RTL4: variants seen among roughly 807,000 people sequenced by gnomAD.
RTL4 encodes the protein retrotransposon Gag-like protein 4.
In RTL4, 4 loss-of-function variants were observed where a neutral mutation model predicts 5.3. The ratio of observed to expected loss-of-function variants is 0.75; its 90% CI spans 0.37 to 1.72. The LOEUF is 1.72. Among genes scored for constraint, RTL4 ranks in the 40% most tolerant of loss-of-function variants. The probability of loss-of-function intolerance (pLI) is 0.04; values close to 1 mark genes in which losing one functional copy is unlikely to be tolerated. For synonymous variants in RTL4, 98 were observed against 87.3 expected (o/e 1.12, Z -0.68); for missense variants, 260 against 227.1 (o/e 1.14, Z -0.93).
chrX:112,221,047 G>C, the RTL4 span, among the ~76,000 whole-genome samples: 1 of 111,781 alleles, frequency 8.9e-6, no homozygotes, highest in South Asian at 3.8e-4. Flanking sequence ...TTCTCACACT[G>C]ATATAAAGAA....
the RTL4 span, among the ~76,000 whole-genome samples, chrX:112,395,003 T>C: frequency 8.9e-6 from 1 of 112,111 alleles, no homozygotes; most frequent in Non-Finnish European, 1.9e-5. Context: ...ATATTAGAAA[T>C]GTTTTGACTT....
the RTL4 span, among the ~76,000 whole-genome samples, chrX:112,130,561 G>A: frequency 4.5e-5 from 5 of 110,095 alleles, no homozygotes; most frequent in Admixed American, 9.7e-5. Context: ...GTATGACATC[G>A]TTAATAATAC....
chrX:112,281,383 T>C, the RTL4 span, among the ~76,000 whole-genome samples: 2 of 112,192 alleles, frequency 1.8e-5, no homozygotes, highest in South Asian at 7.5e-4. Context: ...AAAAATCCAT[T>C]CATCCATTGA....
chrX:112,420,878 T>C, the RTL4 span, among the ~76,000 whole-genome samples: 7 of 112,186 alleles, frequency 6.2e-5, no homozygotes, highest in East Asian at 2.0e-3. Context: ...TCTTACATTC[T>C]TTGCTTATGC....
chrX:112,212,212 T>C, the RTL4 span, among the ~76,000 whole-genome samples: 4 of 110,656 alleles, frequency 3.6e-5, no homozygotes, highest in Non-Finnish European at 7.6e-5. Flanking sequence ...CCGTGTCTAC[T>C]AAAAATACAA....
the RTL4 span, among the ~76,000 whole-genome samples, chrX:112,203,390 T>A: frequency 9.0e-6 from 1 of 111,731 alleles, no homozygotes; most frequent in Non-Finnish European, 1.9e-5. Context: ...TTTTTAGTTT[T>A]ATATTTAAGT....
At chrX:112,174,501 T>A in the RTL4 span, among the ~76,000 whole-genome samples, 1 of 106,846 alleles carries the variant, frequency 9.4e-6, no homozygotes, top group East Asian at 3.0e-4. Context: ...TTTGGGTTGG[T>A]TCCAAGTCTT....
the RTL4 span, among the ~76,000 whole-genome samples, chrX:112,149,571 G>A: frequency 1.8e-5 from 2 of 111,777 alleles, no homozygotes; most frequent in African/African-American, 6.5e-5. Flanking sequence ...GGGTAGCAAA[G>A]GGGCCAGCAT....
chrX:112,440,048 A>T, the RTL4 span, among the ~76,000 whole-genome samples: 1 of 111,780 alleles, frequency 8.9e-6, no homozygotes, highest in African/African-American at 3.3e-5. Flanking sequence ...AGAAAAAAAG[A>T]TGGAAGAAAG....
the RTL4 span, among the ~76,000 whole-genome samples, chrX:112,436,561 T>C: frequency 8.9e-6 from 1 of 112,086 alleles, no homozygotes; most frequent in African/African-American, 3.2e-5. Context: ...ATATGATTTA[T>C]TCTTTTATAC....
the RTL4 span, among the ~76,000 whole-genome samples, chrX:112,185,376 A>ATATAT: frequency 1.5e-4 from 13 of 85,351 alleles, no homozygotes; most frequent in East Asian, 3.7e-4. Flanking sequence ...CTATTTTATT[A>ATATAT]ATATATATAT....
the RTL4 span, among the ~76,000 whole-genome samples, chrX:112,233,042 G>A: frequency 8.9e-3 from 989 of 111,708 alleles, 7 homozygotes; most frequent in African/African-American, 0.03. Flanking sequence ...AGGCAGTAAA[G>A]TGCAGTAGGA....
the RTL4 span, among the ~76,000 whole-genome samples, chrX:112,238,692 AT>A: frequency 1.8e-5 from 2 of 110,041 alleles, no homozygotes; most frequent in Admixed American, 9.7e-5. Context: ...GTGATTTTTT[AT>A]TTTTTTTTAC....
chrX:112,168,521 A>G, the RTL4 span, among the ~76,000 whole-genome samples: 2 of 111,808 alleles, frequency 1.8e-5, no homozygotes, highest in Admixed American at 9.5e-5. Context: ...AGGATGCAGT[A>G]AAGAAGCAGG....
At chrX:112,168,963 CTTTTT>C in the RTL4 span, among the ~76,000 whole-genome samples, 1 of 58,572 alleles carries the variant, frequency 1.7e-5, no homozygotes, top group African/African-American at 5.8e-5. Context: ...TTCTTTCTTT[CTTTTT>C]CTTTCTTTCT....
chrX:112,312,263 T>G, the RTL4 span, among the ~76,000 whole-genome samples: 1 of 111,103 alleles, frequency 9.0e-6, no homozygotes, highest in Admixed American at 9.8e-5. Flanking sequence ...GGACAATCAT[T>G]TCCATGTACC....
chrX:112,328,394 A>T, the RTL4 span, among the ~76,000 whole-genome samples: 1 of 111,495 alleles, frequency 9.0e-6, no homozygotes, highest in Non-Finnish European at 1.9e-5. Flanking sequence ...ACCAACAAAG[A>T]TCAAAAGAGA....
chrX:112,094,064 AGCTATGAAGAAT>A, the RTL4 span, among the ~76,000 whole-genome samples: 37 of 111,974 alleles, frequency 3.3e-4, no homozygotes, highest in Non-Finnish European at 5.7e-4. Context: ...GGATCACTCT[AGCTATGAAGAAT>A]GGATTGGTGG....
chrX:112,159,074 G>A, the RTL4 span, among the ~76,000 whole-genome samples: 1 of 111,867 alleles, frequency 8.9e-6, no homozygotes, highest in Non-Finnish European at 1.9e-5. Flanking sequence ...TTACCATTGA[G>A]GTTTTTAATT....
Sources: gnomAD v4.1 joint callset for allele counts (sites outside exome capture counted in the v4.1 genomes callset) on GRCh38, gnomAD v4.1.1 for gene constraint, MANE v1.5 for transcripts, NCBI Gene and HGNC (gene_info 2026-07-23, HGNC 2026-07-21) for gene names.